ROS1: variants seen among roughly 807,000 people sequenced by gnomAD.
ROS1 encodes proto-oncogene tyrosine-protein kinase ROS.
Under a neutral mutation model 273.5 loss-of-function variants are expected in ROS1, and 263 were observed. That is an observed-to-expected ratio of 0.96 (90% confidence interval 0.87 to 1.06). ROS1 has a LOEUF of 1.06. Among genes scored for constraint, ROS1 ranks in the 50% least tolerant of loss-of-function variants. The pLI, the probability that ROS1 is intolerant of heterozygous loss-of-function variation, is 0.00. For missense variants in ROS1, 2,833 were observed against 2,751.1 expected (o/e 1.03, Z -0.67); for synonymous variants, 1,008 against 954.1 (o/e 1.06, Z -1.04).
In ROS1 at chr6:117,379,074, A is replaced by G. The variant is rs1771897924; in HGVS notation, c.2567T>C (p.Val856Ala). The G allele has an allele frequency of 6.2e-7, 1 of 1,609,134 alleles. No individual in the cohort carries two copies. Among genetic ancestry groups the G allele is most frequent in the Non-Finnish European group, 8.5e-7 (1 of 1,176,472 alleles). The change falls in exon 18 of 44, where the codon GTT (valine) becomes GCT (alanine). Residue 856 changes from valine to alanine, a missense_variant. Transcript: ENST00000368507. ...DSQCIHLYTA[V>A]LRGQSTGDTT... ...CTCTACTTACCTCTGTCCCCGAAGA[A>G]CAGCTGTGTACAGGTGAATACATTG... is the stretch of plus-strand genomic sequence containing the variant.
chr6:117,425,718 T>C lies in ROS1; in HGVS notation c.-62A>G, dbSNP rs1776090102. ...AATTTTCTCCATTTTGCTATATGAA[T>C]TATTTGGGCTTCATCACTTCAATTG... On this transcript the variant is annotated 5_prime_UTR_variant, in exon 1 of 44. An upstream open reading frame in the 5' UTR loses its in-frame stop. Transcript: ENST00000368507. 1.9e-6 allele frequency: 3 copies of C among 1,573,308 alleles called. No individual in the cohort carries two copies. In the South Asian group the frequency reaches 3.4e-5, roughly 18 times the overall value.
chr6:117,302,687 T>G (rs57933517), intron 42 of ROS1, among the ~76,000 whole-genome samples: 291 of 152,304 alleles, frequency 1.9e-3, no homozygotes, highest in African/African-American at 6.7e-3. Context: ...CTCAACAAAA[T>G]GTTCACCCAA....
In ROS1 at chr6:117,339,278, T is replaced by A. The variant is rs76667034; in HGVS notation, c.5061+1857A>T. 6.0e-3 allele frequency among the ~76,000 whole-genome samples: 918 copies of A among 152,248 alleles called. 8 individuals carry two copies. The highest frequency in any genetic ancestry group is 0.021 in the African/African-American group (862 of 41,552). On this transcript the variant is annotated intron_variant, in intron 31 of 43. Coordinates refer to ENST00000368507, the MANE Select transcript of ROS1 (RefSeq NM_001378902.1). ...TTTACATGTGGCCCAAGACAGTTGTTTCAGTATGGCCCAGGGAAGACAAAA... is the reference window on the plus strand; with the variant it reads ...TTTACATGTGGCCCAAGACAGTTGTATCAGTATGGCCCAGGGAAGACAAAA...
chr6:117,404,414 G>A lies in ROS1; in HGVS notation c.331C>T (p.Pro111Ser). ...ATGGAAGAAGCAAAGGGAGCAGTTGGTAGGTCTGCATTTTCTGGGGAAAAA... is the reference window on the plus strand; with the variant it reads ...ATGGAAGAAGCAAAGGGAGCAGTTGATAGGTCTGCATTTTCTGGGGAAAAA... The part of the protein sequence containing the change: ...EEEVLENADL[P>S]TAPFASSIGS... Residue 111 changes from proline (P) to serine (S), a missense_variant, in exon 6 of 44, where the codon CCA becomes TCA. Physicochemically the swap from Pro to Ser is moderately conservative, Grantham distance 74 (BLOSUM62 -1). Coordinates refer to ENST00000368507, the MANE Select transcript of ROS1 (RefSeq NM_001378902.1). 1 of 1,613,404 alleles carries A rather than the reference G, an allele frequency of 6.2e-7. No individual in the cohort carries two copies. The highest frequency in any genetic ancestry group is 1.1e-5 in the South Asian group (1 of 90,922).
At chr6:117,365,022 GC>G in intron 21 of ROS1, 37 bp downstream of exon 21, 2 of 1,590,794 alleles carry the variant, frequency 1.3e-6, no homozygotes, top group Non-Finnish European at 1.7e-6. Flanking sequence ...GTGAGATTCT[GC>G]TTTTTTAAGA....
At chr6:117,416,729 G>A (rs17079150) in intron 2 of ROS1, among the ~76,000 whole-genome samples, 8,205 of 152,226 alleles carry the variant, frequency 0.054, 264 homozygotes, top group Middle Eastern at 0.092. Context: ...GATTCAACTA[G>A]ATGGTAGCAT....
intron 42 of ROS1, among the ~76,000 whole-genome samples, chr6:117,307,527 T>G (rs1775502119): frequency 6.6e-6 from 1 of 152,272 alleles, no homozygotes; most frequent in East Asian, 1.9e-4. Flanking sequence ...TTTTCAAATT[T>G]TGTATAATTT....
intron 43 of ROS1, among the ~76,000 whole-genome samples, chr6:117,296,996 C>T (rs1038876472): frequency 1.1e-4 from 16 of 152,090 alleles, no homozygotes; most frequent in Admixed American, 8.5e-4. Context: ...AGTAATCAAA[C>T]AGTATGGTAC....
intron 32 of ROS1, among the ~76,000 whole-genome samples, chr6:117,330,846 C>G (rs1483529122): frequency 6.6e-6 from 1 of 152,116 alleles, no homozygotes; most frequent in Non-Finnish European, 1.5e-5. Context: ...GGTCAGCAGC[C>G]TCAAAGACCA....
chr6:117,385,938 T>G (rs1010491720), intron 15 of ROS1, 77 bp from the exon 16 acceptor site: 2 of 1,097,602 alleles, frequency 1.8e-6, no homozygotes, highest in Admixed American at 1.8e-5. Flanking sequence ...AAATCACATC[T>G]GCACCTCAAC....
intron 1 of ROS1, among the ~76,000 whole-genome samples, chr6:117,420,143 T>C (rs1775642083): frequency 6.6e-6 from 1 of 152,052 alleles, no homozygotes; most frequent in Non-Finnish European, 1.5e-5. Flanking sequence ...GTAAATTACC[T>C]GGATTAGGAT....
intron 27 of ROS1, among the ~76,000 whole-genome samples, chr6:117,345,413 A>ATTTTGG (rs1389180844): frequency 6.6e-6 from 1 of 152,102 alleles, no homozygotes; most frequent in African/African-American, 2.4e-5. Context: ...GCCACATGTG[A>ATTTTGG]TTTTGGTTTT....
rs1279171122 is a variant in ROS1, at chr6:117,308,919, T to C, written c.6426A>G (p.Gly2142=). ...FTTQSDVWSF[G]ILIWEILTLG... is the part of the protein sequence containing the mutation. ...GAGTTAAAATCTCCCAAATCAGAAT[T>C]CCAAAAGACCTAAGAATAGTAGAGG... is the stretch of plus-strand genomic sequence containing the variant. Residue 2142 remains glycine, a synonymous_variant, in exon 42 of 44, where the codon GGA becomes GGG. Transcript: ENST00000368507. 1.2e-6 allele frequency: 2 copies of C among 1,612,844 alleles called. No individual in the cohort carries two copies. The highest frequency in any genetic ancestry group is 1.1e-5 in the South Asian group (1 of 91,006).
intron 1 of ROS1, 70 bp from the exon 2 acceptor site, chr6:117,418,576 A>T (rs541866925): frequency 6.9e-6 from 8 of 1,163,336 alleles, no homozygotes; most frequent in African/African-American, 1.6e-5. Flanking sequence ...CACACCTTTT[A>T]AAAAAGCTTC....
chr6:117,336,527 T>C lies in ROS1; in HGVS notation c.5230+645A>G, dbSNP rs201904658. Among the ~76,000 whole-genome samples the C allele has an allele frequency of 3.3e-5, 5 of 152,220 alleles. No individual in the cohort carries two copies. In the East Asian group the frequency reaches 9.6e-4, roughly 29 times the overall value. ...CTCATTCCTTTTTATGGCTGCATAG[T>C]ATGCCATGGTGTATATGTACCACAT... On this transcript the variant is annotated intron_variant, in intron 32 of 43. Transcript: ENST00000368507.
intron 18 of ROS1, among the ~76,000 whole-genome samples, chr6:117,377,694 A>T (rs182949762): frequency 7.2e-5 from 11 of 152,322 alleles, no homozygotes; most frequent in African/African-American, 2.6e-4. Flanking sequence ...AATATAGAAA[A>T]TGCATAAATT....
At chr6:117,378,571 T>G (rs1781531951) in intron 18 of ROS1, among the ~76,000 whole-genome samples, 1 of 152,198 alleles carries the variant, frequency 6.6e-6, no homozygotes, top group African/African-American at 2.4e-5. Flanking sequence ...TTTAACTAAT[T>G]TTTTAAAATA....
intron 21 of ROS1, among the ~76,000 whole-genome samples, chr6:117,363,377 T>C (rs1779964209): frequency 1.3e-5 from 2 of 152,162 alleles, no homozygotes; most frequent in Admixed American, 6.5e-5. Flanking sequence ...AGGCTGATCG[T>C]ACCCCAAGAG....
At chr6:117,392,973 T>C (rs997810811) in intron 12 of ROS1, among the ~76,000 whole-genome samples, 2 of 152,178 alleles carry the variant, frequency 1.3e-5, no homozygotes, top group African/African-American at 4.8e-5. Context: ...CAGGAGGTCT[T>C]TCCCATATTC....
Sources: gnomAD v4.1 joint callset for allele counts (sites outside exome capture counted in the v4.1 genomes callset) on GRCh38, gnomAD v4.1.1 for gene constraint, MANE v1.5 for transcripts, NCBI Gene and HGNC (gene_info 2026-07-23, HGNC 2026-07-21) for gene names.